The following PTER variants were observed in gnomAD, a reference collection of about 807,000 sequenced individuals.
PTER encodes the protein phosphotriesterase related.
Under a neutral mutation model 29.6 loss-of-function variants are expected in PTER, and 38 were observed. The observed-to-expected ratio is 1.28, with a 90% confidence interval of 0.99 to 1.68. The LOEUF is 1.68. Among genes scored for constraint, PTER ranks in the 40% most tolerant of loss-of-function variants. The pLI is 0.00. For synonymous variants in PTER, 172 were observed against 154.5 expected, an observed-to-expected ratio of 1.11 and a Z score of -0.84; for missense variants, 482 against 427.8, an observed-to-expected ratio of 1.13 and a Z score of -1.12.
intron 4 of PTER, among the ~76,000 whole-genome samples, chr10:16,506,047 A>G (rs752985029): frequency 2.0e-5 from 3 of 152,118 alleles, no homozygotes; most frequent in Non-Finnish European, 2.9e-5. Flanking sequence ...TGAGAGATAT[A>G]TATTCTTATG....
chr10:16,467,067 T>A (rs886542429), intron 1 of PTER, among the ~76,000 whole-genome samples: 1 of 152,218 alleles, frequency 6.6e-6, no homozygotes, highest in African/African-American at 2.4e-5. Context: ...TTTTTTTATA[T>A]GCTCAAGATT....
rs139040890 is a variant in PTER, at chr10:16,473,645, G to C, written c.-48-10692G>C. Among the ~76,000 whole-genome samples the C allele has an allele frequency of 3.6e-3, 531 of 149,460 alleles. 5 individuals are homozygous for C. The highest frequency in any genetic ancestry group is 0.012 in the African/African-American group (494 of 40,712). ...TTTTCTTCGTCTCTGGCCGAATGCT[G>C]TAAACGCTCATAAATATCAAGTAAT... On this transcript the variant is annotated intron_variant, in intron 1 of 4. Coordinates refer to ENST00000535784, the MANE Select transcript of PTER (RefSeq NM_001261836.2).
At chr10:16,475,537 C>G (rs1026140022) in intron 1 of PTER, among the ~76,000 whole-genome samples, 1 of 152,158 alleles carries the variant, frequency 6.6e-6, no homozygotes, top group African/African-American at 2.4e-5. Context: ...GGGTCCCAAA[C>G]TGGCTTTGCA....
chr10:16,452,871 G>C (rs1195840600), intron 1 of PTER, among the ~76,000 whole-genome samples: 3 of 152,096 alleles, frequency 2.0e-5, no homozygotes. Flanking sequence ...TCCTGCCTCA[G>C]CCTCCCAAGT....
At chr10:16,493,363 ATTTG>A (rs756489898) in intron 3 of PTER, among the ~76,000 whole-genome samples, 1 of 152,174 alleles carries the variant, frequency 6.6e-6, no homozygotes, top group Non-Finnish European at 1.5e-5. Flanking sequence ...ATGTGCATGT[ATTTG>A]TTTGTAACAT....
chr10:16,444,199 T>G (rs1424848737), intron 1 of PTER, among the ~76,000 whole-genome samples: 1 of 152,110 alleles, frequency 6.6e-6, no homozygotes, highest in East Asian at 1.9e-4. Context: ...TTTCAGCATG[T>G]TGGCCGGGAT....
chr10:16,508,293 C>T (rs932266017), intron 4 of PTER, among the ~76,000 whole-genome samples: 6 of 152,092 alleles, frequency 3.9e-5, no homozygotes, highest in Non-Finnish European at 7.4e-5. Context: ...TGGTCTTGAT[C>T]TCCTGACCTC....
At chr10:16,485,473 T>C (rs1466554601) in intron 2 of PTER, among the ~76,000 whole-genome samples, 1 of 152,234 alleles carries the variant, frequency 6.6e-6, no homozygotes, top group African/African-American at 2.4e-5. Context: ...TATACATGTT[T>C]ACACATATAT....
At position 16,456,900 on chromosome 10, in the gene PTER, A is replaced by G. The variant is rs146371921; in HGVS notation, c.-49+19853A>G. 9.0e-3 allele frequency among the ~76,000 whole-genome samples: 1,359 copies of G among 150,688 alleles called. 22 individuals are homozygous for G. The highest frequency in any genetic ancestry group is 0.032 in the African/African-American group (1,287 of 40,664). ...CGCCATGCTGTTCTCGTGGTAGTGAATAAGTCTCACAAGATCTGATGATTT... is the reference window on the plus strand; with the variant it reads ...CGCCATGCTGTTCTCGTGGTAGTGAGTAAGTCTCACAAGATCTGATGATTT... On this transcript the variant is annotated intron_variant, in intron 1 of 4. Transcript: ENST00000535784.
At chr10:16,453,181 G>T (rs995551306) in intron 1 of PTER, among the ~76,000 whole-genome samples, 1 of 152,084 alleles carries the variant, frequency 6.6e-6, no homozygotes, top group Non-Finnish European at 1.5e-5. Context: ...CTTCCAAAGT[G>T]CTGGGATTAT....
intron 3 of PTER, among the ~76,000 whole-genome samples, chr10:16,488,181 C>T (rs1221853432): frequency 6.6e-6 from 1 of 152,094 alleles, no homozygotes; most frequent in Non-Finnish European, 1.5e-5. Flanking sequence ...TCTGGTTGCA[C>T]TGATAAAGTA....
chr10:16,507,121 T>G (rs529771334), intron 4 of PTER, among the ~76,000 whole-genome samples: 2 of 150,014 alleles, frequency 1.3e-5, no homozygotes, highest in East Asian at 4.0e-4. Context: ...GAAGAAAGCA[T>G]AGAGAGGAAT....
intron 1 of PTER, among the ~76,000 whole-genome samples, chr10:16,440,129 T>C (rs573300240): frequency 6.8e-6 from 1 of 148,070 alleles, no homozygotes; most frequent in African/African-American, 2.5e-5. Flanking sequence ...GCAGTGGCCC[T>C]ATCTTGACTC....
At chr10:16,453,901 A>G (rs1462418695) in intron 1 of PTER, among the ~76,000 whole-genome samples, 1 of 152,240 alleles carries the variant, frequency 6.6e-6, no homozygotes, top group African/African-American at 2.4e-5. Flanking sequence ...TCTGGAAGGA[A>G]GCTTAGAAAT....
At chr10:16,458,848 T>A (rs1430440217) in intron 1 of PTER, among the ~76,000 whole-genome samples, 1 of 152,120 alleles carries the variant, frequency 6.6e-6, no homozygotes, top group South Asian at 2.1e-4. Flanking sequence ...TCACAACCAC[T>A]AACATTGACA....
At chr10:16,443,380 C>G (rs1041809642) in intron 1 of PTER, among the ~76,000 whole-genome samples, 3 of 152,192 alleles carry the variant, frequency 2.0e-5, no homozygotes, top group Non-Finnish European at 4.4e-5. Context: ...GCTGAGGGTT[C>G]GGGCTGCAAC....
intron 3 of PTER, among the ~76,000 whole-genome samples, chr10:16,489,477 A>G (rs1835818801): frequency 6.6e-6 from 1 of 151,298 alleles, no homozygotes; most frequent in South Asian, 2.1e-4. Flanking sequence ...GTTTTAGAGT[A>G]CAATTTTTTG....
intron 1 of PTER, among the ~76,000 whole-genome samples, chr10:16,442,378 A>G (rs1588578762): frequency 1.3e-5 from 2 of 152,346 alleles, no homozygotes; most frequent in South Asian, 2.1e-4. Context: ...TGGAGGACAG[A>G]TAAAGCCCGA....
rs572758990 is a variant in PTER at position 16,505,382 on chromosome 10, G to T, written c.839+222G>T. Among the ~76,000 whole-genome samples, 10 of 152,238 alleles carry T rather than the reference G, an allele frequency of 6.6e-5. No homozygotes were observed. In the South Asian group the frequency reaches 2.1e-3, roughly 32 times the overall value. ...TAGGCTAAAGCTTAGCAGAGCCTTA[G>T]AAGTTCAGTGCAGATGGGCAGCTGA... is the stretch of plus-strand genomic sequence containing the variant. On this transcript the variant is annotated intron_variant, in intron 4 of 4. Coordinates refer to ENST00000535784, the MANE Select transcript of PTER (RefSeq NM_001261836.2).
Sources: gnomAD v4.1 joint callset for allele counts (sites outside exome capture counted in the v4.1 genomes callset) on GRCh38, gnomAD v4.1.1 for gene constraint, MANE v1.5 for transcripts, NCBI Gene and HGNC (gene_info 2026-07-23, HGNC 2026-07-21) for gene names.